Variants in NSD1 observed in about 807,000 individuals in gnomAD.
NSD1 encodes histone-lysine N-methyltransferase, H3 lysine-36 specific.
A neutral mutation model predicts 242.7 loss-of-function variants in NSD1; 26 were observed. The observed-to-expected ratio is 0.11, with a 90% CI of 0.08 to 0.15. NSD1 has a LOEUF of 0.15. Ranked by LOEUF, NSD1 falls within the 10% of genes least tolerant of loss-of-function variation. The pLI, the probability that NSD1 is intolerant of heterozygous loss-of-function variation, is 1.00. For missense variants in NSD1, 2,495 were observed against 3,272.8 expected, an observed-to-expected ratio of 0.76 and a Z score of 5.80; for synonymous variants, 1,106 against 1,178.1, an observed-to-expected ratio of 0.94 and a Z score of 1.25.
At chr5:177,160,107 T>G (rs1005586214) in intron 2 of NSD1, among the ~76,000 whole-genome samples, 1 of 151,708 alleles carries the variant, frequency 6.6e-6, no homozygotes, top group African/African-American at 2.4e-5. Flanking sequence ...GCCAGGCTGA[T>G]CTTGAACTAC....
At chr5:177,157,369 A>G (rs1194003989) in intron 2 of NSD1, among the ~76,000 whole-genome samples, 6 of 151,738 alleles carry the variant, frequency 4.0e-5, no homozygotes, top group African/African-American at 1.2e-4. Flanking sequence ...TTCGTCTCCA[A>G]GAAAAAAAAA....
intron 2 of NSD1, among the ~76,000 whole-genome samples, chr5:177,167,094 A>G (rs1759267641): frequency 2.0e-5 from 3 of 152,116 alleles, no homozygotes; most frequent in South Asian, 2.1e-4. Flanking sequence ...GCATAAGCCA[A>G]AGTTTATTAG....
intron 14 of NSD1, among the ~76,000 whole-genome samples, 171 bp downstream of exon 14, chr5:177,260,339 CT>C (rs1174250871): frequency 0.053 from 4,537 of 85,740 alleles, 65 homozygotes; most frequent in African/African-American, 0.16. Flanking sequence ...CATAGCAGAA[CT>C]TTTTTTTTTT....
chr5:177,172,010 C>T (rs1349381700), intron 2 of NSD1, among the ~76,000 whole-genome samples: 1 of 152,216 alleles, frequency 6.6e-6, no homozygotes, highest in Non-Finnish European at 1.5e-5. Flanking sequence ...ATACTTAACT[C>T]TTAGAGGAAG....
At chr5:177,176,383 C>T (rs1760205132) in intron 2 of NSD1, among the ~76,000 whole-genome samples, 1 of 151,238 alleles carries the variant, frequency 6.6e-6, no homozygotes, top group Admixed American at 6.6e-5. Flanking sequence ...TCCCATAGTG[C>T]TGTGTTGGGA....
rs1258033152 is a variant in NSD1 at position 177,210,061 on chromosome 5, A to G, written c.1662A>G (p.Ile554Met). ...DTQASNELSR[I>M]ANSLTGSNTA... ...AGGCCTCTAATGAACTTTCCAGGAT[A>G]GCAAATAGCCTCACAGGGTCCAACA... The change falls in exon 5 of 23, where the codon ATA (isoleucine) becomes ATG (methionine). Residue 554 changes from isoleucine to methionine, a missense_variant. Physicochemically the swap from Ile to Met is conservative, Grantham distance 10. This residue lies in a region of NSD1 where 515 missense variants were observed against 467.0 expected (regional missense o/e 1.10). Coordinates refer to ENST00000439151, the MANE Select transcript of NSD1 (RefSeq NM_022455.5). 6.2e-7 allele frequency: 1 copy of G among 1,614,000 alleles called. No homozygotes were observed. The highest frequency in any genetic ancestry group is 8.5e-7 in the Non-Finnish European group (1 of 1,179,932).
chr5:177,222,243 C>G (rs1764297307), intron 5 of NSD1, among the ~76,000 whole-genome samples: 1 of 152,176 alleles, frequency 6.6e-6, no homozygotes, highest in Non-Finnish European at 1.5e-5. Context: ...ATTCTCATGT[C>G]TCAGCCTCCC....
intron 4 of NSD1, among the ~76,000 whole-genome samples, chr5:177,207,806 G>A (rs996594053): frequency 1.3e-5 from 2 of 151,712 alleles, no homozygotes; most frequent in Admixed American, 6.6e-5. Context: ...GCAGTGGCAC[G>A]GTTTCGGCAC....
intron 3 of NSD1, among the ~76,000 whole-genome samples, chr5:177,197,608 C>G (rs1314064708): frequency 6.6e-6 from 1 of 152,158 alleles, no homozygotes; most frequent in Non-Finnish European, 1.5e-5. Flanking sequence ...GGCGAGAGTG[C>G]GAGACTCCAT....
At chr5:177,152,944 C>T (rs1757847630) in intron 2 of NSD1, among the ~76,000 whole-genome samples, 1 of 152,100 alleles carries the variant, frequency 6.6e-6, no homozygotes, top group Non-Finnish European at 1.5e-5. Flanking sequence ...CCTCAGCCTC[C>T]CAAAGTGCTG....
At chr5:177,224,562 GTTAA>G (rs1031218745) in intron 5 of NSD1, among the ~76,000 whole-genome samples, 4 of 151,164 alleles carry the variant, frequency 2.6e-5, no homozygotes, top group Admixed American at 1.3e-4. Flanking sequence ...ACTCATCTCT[GTTAA>G]TTAATAGAAT....
At chr5:177,133,578 C>T (rs1352965757), upstream of NSD1, 3 of 150,052 alleles carry the variant, frequency 2.0e-5, no homozygotes, top group Admixed American at 6.6e-5. This position sits in a 1 kb window ranked among gnomAD's most constrained non-coding sequence, Gnocchi z 6.2. Context: ...AGCGGCAGCT[C>T]CGCTGATTGG....
chr5:177,274,484 AT>A (rs571103108), intron 17 of NSD1, among the ~76,000 whole-genome samples: 317 of 152,302 alleles, frequency 2.1e-3, no homozygotes, highest in Non-Finnish European at 3.3e-3. Context: ...CCAACCTAAT[AT>A]TTACTAAATC....
chr5:177,183,750 CTT>C (rs1448490273), intron 2 of NSD1, among the ~76,000 whole-genome samples: 2 of 152,042 alleles, frequency 1.3e-5, no homozygotes, highest in Non-Finnish European at 2.9e-5. Flanking sequence ...ATCATCTGTT[CTT>C]TTGTTTTCTT....
At chr5:177,219,464 C>T (rs571302938) in intron 5 of NSD1, among the ~76,000 whole-genome samples, 18 of 152,136 alleles carry the variant, frequency 1.2e-4, no homozygotes, top group African/African-American at 3.1e-4. Flanking sequence ...GGATTACAGG[C>T]GTGAGCCACC....
intron 2 of NSD1, among the ~76,000 whole-genome samples, chr5:177,179,140 TTTTCCTAG>T (rs1760450856): frequency 6.6e-6 from 1 of 152,160 alleles, no homozygotes; most frequent in African/African-American, 2.4e-5. Context: ...TGGTCATAGT[TTTTCCTAG>T]GGTAGGAGTC....
chr5:177,294,469 T>C lies in NSD1; in HGVS notation c.7101T>C (p.Ala2367=). The change falls in exon 23 of 23, where the codon GCT becomes GCC. Residue 2367 remains alanine, a synonymous_variant. Coordinates refer to ENST00000439151, the MANE Select transcript of NSD1 (RefSeq NM_022455.5). ...CAAGGCTGGATAAATCCATAGGTGC[T>C]GCCAGCCCAAGGCCCCAGTCACTGG... The part of the protein sequence containing the change: ...ADPRLDKSIG[A]ASPRPQSLEK... 6.2e-7 allele frequency: 1 copy of C among 1,614,184 alleles called. No homozygotes were observed. The highest frequency in any genetic ancestry group is 8.5e-7 in the Non-Finnish European group (1 of 1,180,046).
chr5:177,236,059 T>C, intron 6 of NSD1, 114 bp downstream of exon 6: 3 of 1,191,094 alleles, frequency 2.5e-6, no homozygotes, highest in Non-Finnish European at 3.7e-6. Flanking sequence ...AGATCTTGTT[T>C]TTTATTCTCA....
intron 3 of NSD1, among the ~76,000 whole-genome samples, chr5:177,194,602 T>TTTTA (rs1554185948): frequency 7.4e-6 from 1 of 135,308 alleles, no homozygotes; most frequent in Non-Finnish European, 1.5e-5. Context: ...TTTTTTTTTT[T>TTTTA]AAAAAGGATG....
Sources: gnomAD v4.1 joint callset for allele counts (sites outside exome capture counted in the v4.1 genomes callset) on GRCh38, gnomAD v4.1.1 for gene constraint, gnomAD v4.1.1 regional missense constraint, Gnocchi (gnomAD v3.1) non-coding constraint, MANE v1.5 for transcripts, NCBI Gene and HGNC (gene_info 2026-07-23, HGNC 2026-07-21) for gene names.